Variants in DLGAP2 observed in about 807,000 individuals in gnomAD.
DLGAP2 encodes DLG associated protein 2, also known as disks large-associated protein 2.
DLGAP2 carries 26 observed loss-of-function variants against 100.3 expected under a neutral mutation model. That is an observed-to-expected ratio of 0.26 (90% CI 0.19 to 0.36). DLGAP2 has a LOEUF of 0.36. Ranked by LOEUF, DLGAP2 falls within the 10% of genes least tolerant of loss-of-function variation. The pLI is 1.00. For missense variants in DLGAP2, 1,858 were observed against 1,453.2 expected, an observed-to-expected ratio of 1.28 and a Z score of -4.53; for synonymous variants, 886 against 630.1, an observed-to-expected ratio of 1.41 and a Z score of -6.08.
chr8:1,106,990 TGA>T (rs58479469), intron 2 of DLGAP2, among the ~76,000 whole-genome samples: 12,658 of 151,994 alleles, frequency 0.083, 1,258 homozygotes, highest in African/African-American at 0.24. Context: ...ATAAGCAGAG[TGA>T]GAGAGTCTAT....
rs530196094 is a variant in DLGAP2, at chr8:803,720, A to T, written c.18+65895A>T. Among the ~76,000 whole-genome samples the T allele has an allele frequency of 4.6e-5, 7 of 152,332 alleles. No homozygotes were observed. The South Asian group carries it at 6.2e-4, about 14-fold the overall frequency. On this transcript the variant is annotated intron_variant, in intron 1 of 14. Coordinates refer to ENST00000637795, the MANE Select transcript of DLGAP2 (RefSeq NM_001346810.2). ...TAGTAGGAGTGGTTGGGTCAAAGGGATGTTTTACTATTTTAGCCAGAGAAA... is the reference window on the plus strand; with the variant it reads ...TAGTAGGAGTGGTTGGGTCAAAGGGTTGTTTTACTATTTTAGCCAGAGAAA...
chr8:1,070,790 G>T (rs2129037271), intron 2 of DLGAP2, among the ~76,000 whole-genome samples: 1 of 152,166 alleles, frequency 6.6e-6, no homozygotes, highest in East Asian at 1.9e-4. Context: ...AGGACGCGCT[G>T]GCTTTTCCGT....
At chr8:1,010,596 C>T (rs779239606) in intron 2 of DLGAP2, among the ~76,000 whole-genome samples, 10 of 152,294 alleles carry the variant, frequency 6.6e-5, no homozygotes, top group East Asian at 1.9e-4. Context: ...GTTTCACTTA[C>T]GACATCAAAT....
intron 2 of DLGAP2, among the ~76,000 whole-genome samples, chr8:1,257,991 CGT>C (rs1799265115): frequency 1.3e-5 from 2 of 152,234 alleles, no homozygotes; most frequent in South Asian, 2.1e-4. Flanking sequence ...ACCTTGCACT[CGT>C]GTGTCTGTGC....
At chr8:1,615,002 C>G (rs774436043) in intron 6 of DLGAP2, among the ~76,000 whole-genome samples, 3 of 152,254 alleles carry the variant, frequency 2.0e-5, no homozygotes, top group Non-Finnish European at 4.4e-5. Flanking sequence ...CCCTCGCTAC[C>G]TGCTGCAGGA....
At chr8:1,590,692 A>G (rs1207625965) in intron 6 of DLGAP2, among the ~76,000 whole-genome samples, 2 of 152,198 alleles carry the variant, frequency 1.3e-5, no homozygotes, top group African/African-American at 4.8e-5. Context: ...GTTCTAAGAA[A>G]TTGGTTGCTC....
chr8:755,177 A>T (rs1820890922), intron 1 of DLGAP2, among the ~76,000 whole-genome samples: 1 of 152,092 alleles, frequency 6.6e-6, no homozygotes, highest in South Asian at 2.1e-4. Flanking sequence ...GAGTCTGTGG[A>T]GGGAGATAAA....
At chr8:1,488,503 T>C (rs775474788) in intron 3 of DLGAP2, among the ~76,000 whole-genome samples, 3 of 152,140 alleles carry the variant, frequency 2.0e-5, no homozygotes, top group Non-Finnish European at 4.4e-5. Context: ...CCACGTTTCA[T>C]CTTCCCTTTA....
chr8:1,197,382 T>G (rs1372869821), intron 2 of DLGAP2, among the ~76,000 whole-genome samples: 1 of 152,230 alleles, frequency 6.6e-6, no homozygotes, highest in Non-Finnish European at 1.5e-5. Context: ...ACCTGAGCCT[T>G]TTCTTTCCGG....
intron 1 of DLGAP2, among the ~76,000 whole-genome samples, chr8:798,264 T>G (rs1447530942): frequency 5.4e-4 from 63 of 117,080 alleles, no homozygotes; most frequent in Middle Eastern, 7.5e-3. Flanking sequence ...CTCTTGTTGA[T>G]TCAGGACCTG....
intron 3 of DLGAP2, among the ~76,000 whole-genome samples, chr8:1,425,575 C>A (rs1274032649): frequency 6.6e-6 from 1 of 152,174 alleles, no homozygotes; most frequent in Non-Finnish European, 1.5e-5. Context: ...TCCCTTGGAG[C>A]AGATGTGGAC....
chr8:1,621,564 C>T lies in DLGAP2; in HGVS notation c.1443-5176C>T, dbSNP rs547049391. On this transcript the variant is annotated intron_variant, in intron 6 of 14. Transcript: ENST00000637795. ...CCATTGCAGCCCCACCTGCCACGGG[C>T]TCCAGGAAGAGCAGTCATCAGTATG... The T allele has an allele frequency of 3.3e-5, 5 of 152,480 alleles. No homozygotes were observed. The South Asian group carries it at 1.0e-3, about 32-fold the overall frequency. The allele number at this position is 152,480 out of a possible 1,614,324, so 9.4% of individuals were successfully genotyped here.
At position 1,703,593 on chromosome 8, in the gene DLGAP2, C is replaced by G. The variant is rs3735764; in HGVS notation, c.*2187C>G. The G allele has an allele frequency of 0.047, 7,172 of 152,236 alleles. 229 individuals are homozygous for G. Among genetic ancestry groups the G allele is most frequent in the Middle Eastern group, 0.082 (24 of 294 alleles). 9.4% of individuals were successfully genotyped at this position (152,236 alleles called of 1,614,324 possible). ...AGGAAATGTAATGTGGATAAAGGCC[C>G]GCCACCTCCTCACATTGGTCTATCT... On this transcript the variant is annotated 3_prime_UTR_variant, in exon 15 of 15. Transcript: ENST00000637795.
intron 1 of DLGAP2, among the ~76,000 whole-genome samples, chr8:876,219 C>T (rs1048776886): frequency 6.6e-6 from 1 of 152,030 alleles, no homozygotes; most frequent in South Asian, 2.1e-4. Context: ...ATTACCATTA[C>T]CAGTTATCTT....
intron 4 of DLGAP2, among the ~76,000 whole-genome samples, chr8:1,506,468 C>T (rs1035397114): frequency 3.9e-5 from 6 of 152,096 alleles, no homozygotes; most frequent in South Asian, 2.1e-4. Flanking sequence ...TCTCAATGGC[C>T]TCAGGAGTGA....
At chr8:755,753 TG>T (rs1326254215) in intron 1 of DLGAP2, among the ~76,000 whole-genome samples, 1 of 152,062 alleles carries the variant, frequency 6.6e-6, no homozygotes, top group Non-Finnish European at 1.5e-5. Context: ...GATCCCCAGC[TG>T]GGGTGCCGTC....
At chr8:1,606,475 C>A (rs1796803665) in intron 6 of DLGAP2, among the ~76,000 whole-genome samples, 1 of 152,160 alleles carries the variant, frequency 6.6e-6, no homozygotes, top group Non-Finnish European at 1.5e-5. Flanking sequence ...CCATGGAACC[C>A]CACAATACTG....
At chr8:1,317,469 A>C (rs1440328506) in intron 3 of DLGAP2, among the ~76,000 whole-genome samples, 1 of 143,990 alleles carries the variant, frequency 6.9e-6, no homozygotes, top group Non-Finnish European at 1.5e-5. Context: ...GTGCGAGTGC[A>C]GCGTCTCTCC....
intron 3 of DLGAP2, among the ~76,000 whole-genome samples, chr8:1,307,444 C>CATGGAAAATGAT (rs1284775689): frequency 6.6e-6 from 1 of 152,170 alleles, no homozygotes; most frequent in Non-Finnish European, 1.5e-5. Context: ...ATGTTCCCAT[C>CATGGAAAATGAT]ATGGAAAATG....
Sources: allele counts gnomAD v4.1 joint callset (sites outside exome capture counted in the v4.1 genomes callset), GRCh38; gene constraint gnomAD v4.1.1; transcripts MANE v1.5; gene names NCBI Gene and HGNC (gene_info 2026-07-23, HGNC 2026-07-21).